Variants in SPEG observed in about 807,000 individuals in gnomAD.
SPEG encodes the protein striated muscle enriched protein kinase.
A neutral mutation model predicts 300.4 loss-of-function variants in SPEG; 114 were observed. That is an observed-to-expected ratio of 0.38 (90% confidence interval 0.33 to 0.44). The LOEUF is 0.44. Ranked by LOEUF, SPEG falls within the 20% of genes least tolerant of loss-of-function variation. The pLI is 1.00. For missense variants in SPEG, 4,201 were observed against 4,586.2 expected (o/e 0.92, Z 2.43); for synonymous variants, 1,964 against 2,018.9 (o/e 0.97, Z 0.73).
chr2:219,473,715 A>T lies in SPEG; in HGVS notation c.4272-13A>T. ...GCAAGATCTGGGTGACCTCCCTGTC[A>T]TGTGTCCCCTAGCTGCCGAGGGGCC... On this transcript the variant is annotated splice_polypyrimidine_tract_variant and intron_variant, in intron 17 of 40. Transcript: ENST00000312358. This position sits in a 1 kb window ranked among gnomAD's most constrained non-coding sequence, Gnocchi z 4.6. The T allele has an allele frequency of 6.2e-7, 1 of 1,612,784 alleles. No individual in the cohort carries two copies. Among genetic ancestry groups the T allele is most frequent in the Non-Finnish European group, 8.5e-7 (1 of 1,179,140 alleles).
At position 219,489,181 on chromosome 2, in the gene SPEG, C is replaced by T; in HGVS notation, c.8277C>T (p.Phe2759=). The stretch of plus-strand genomic sequence containing the variant: ...CCAACCGTGCTGGGCAGGGGCCCTT[C>T]AGCAACTCTTCTGAGAAGGTCTTTG... The part of the protein sequence containing the change: ...ACANRAGQGP[F]SNSSEKVFVR... Residue 2759 remains phenylalanine (F), a synonymous_variant, in exon 35 of 41, where the codon TTC becomes TTT. Transcript: ENST00000312358. 1.2e-6 allele frequency: 2 copies of T among 1,614,032 alleles called. No homozygotes were observed. Among genetic ancestry groups the T allele is most frequent in the Non-Finnish European group, 8.5e-7 (1 of 1,179,968 alleles).
In SPEG at chr2:219,490,565, C is replaced by G; in HGVS notation, c.9078C>G (p.His3026Gln). 1 of 1,613,986 alleles carries G rather than the reference C, an allele frequency of 6.2e-7. No homozygotes were observed. The highest frequency in any genetic ancestry group is 2.2e-5 in the East Asian group (1 of 44,886). ...ACCACGAGCGGATCATGTCCCTGCA[C>G]GAGGCCTACATCACCCCTCGGTACC... ...TLHHERIMSL[H>Q]EAYITPRYLV... Residue 3026 changes from histidine (H) to glutamine (Q), a missense_variant, in exon 37 of 41, where the codon CAC becomes CAG. This residue lies in a region of SPEG where 318 missense variants were observed against 429.5 expected (regional missense o/e 0.74). Transcript: ENST00000312358.
Position 219,467,190 on chromosome 2 carries a change from G to C in SPEG, c.2898G>C (p.Arg966=). The C allele has an allele frequency of 6.3e-7, 1 of 1,584,562 alleles. No individual in the cohort carries two copies. The highest frequency in any genetic ancestry group is 8.6e-7 in the Non-Finnish European group (1 of 1,166,634). ...RLEVRAHPES[R]SLAVLAPLQD... Reference sequence around the variant, plus strand: ...TCCCCTCAGCACACCCTGAAAGCCGGTCCCTGGCCGTGCTGGCCCCCCTGC... The same window carrying C: ...TCCCCTCAGCACACCCTGAAAGCCGCTCCCTGGCCGTGCTGGCCCCCCTGC... The change falls in exon 10 of 41, where the codon CGG becomes CGC. Residue 966 remains arginine, a synonymous_variant. Coordinates refer to ENST00000312358, the MANE Select transcript of SPEG (RefSeq NM_005876.5).
At chr2:219,466,671 AGCCCTG>A in intron 9 of SPEG, 1 of 1,000,320 alleles carries the variant, frequency 1.0e-6, no homozygotes, top group Non-Finnish European at 1.2e-6. Context: ...AGCCTGGCTG[AGCCCTG>A]GCCCTGGCAG....
In SPEG at chr2:219,479,191, G is replaced by A. The variant is rs769272045; in HGVS notation, c.5075G>A (p.Cys1692Tyr). ...LERIARKPTVCESEIRAYMRQ... is the reference protein window; with the variant it reads ...LERIARKPTVYESEIRAYMRQ... ...CGAATCGCCAGGAAACCCACCGTGT[G>A]TGAGTCTGAGGTGAGGGCAGTGGGT... The change falls in exon 23 of 41, where the codon TGT becomes TAT. Residue 1692 changes from cysteine to tyrosine, a missense_variant. By Grantham distance (194) the Cys-to-Tyr change is radical. Around this residue, in one of 4 missense-constraint regions of SPEG, gnomAD observed 1,047 missense variants for 1,356.8 expected, o/e 0.77. Coordinates refer to ENST00000312358, the MANE Select transcript of SPEG (RefSeq NM_005876.5). The surrounding 1 kb of genome is among the most constrained non-coding windows in gnomAD (Gnocchi z 5.5). 10 of 1,613,636 alleles carry A rather than the reference G, an allele frequency of 6.2e-6. No homozygotes were observed. The highest frequency in any genetic ancestry group is 1.1e-5 in the South Asian group (1 of 91,076).
At chr2:219,449,858 G>A (rs1689611043) in intron 4 of SPEG, among the ~76,000 whole-genome samples, 1 of 151,970 alleles carries the variant, frequency 6.6e-6, no homozygotes, top group Admixed American at 6.6e-5. Flanking sequence ...GCTCACTGTG[G>A]TCCCTACACA....
chr2:219,478,984 G>A (rs1692583255), intron 22 of SPEG, among the ~76,000 whole-genome samples, 160 bp from the exon 23 acceptor site: 1 of 152,166 alleles, frequency 6.6e-6, no homozygotes, highest in Non-Finnish European at 1.5e-5. Context: ...CAGGAGGTGG[G>A]GAGGGGGTAC....
In SPEG at chr2:219,479,705, C is replaced by T. The variant is rs909581690; in HGVS notation, c.5086-78C>T. 9.2e-5 allele frequency: 125 copies of T among 1,364,162 alleles called. No individual in the cohort carries two copies. The East Asian group carries it at 2.0e-3, about 22-fold the overall frequency. The allele number at this position is 1,364,162 out of a possible 1,614,324, so 84.5% of individuals were successfully genotyped here. A position where few individuals can be genotyped will look rare whatever the true frequency, so the allele number is the denominator to read the frequency against. On this transcript the variant is annotated intron_variant, in intron 23 of 40. Transcript: ENST00000312358. The surrounding 1 kb of genome is among the most constrained non-coding windows in gnomAD (Gnocchi z 5.5). Reference sequence around the variant, plus strand: ...CTGAAGGCTACTCCACAGGCACAGCCGGACCGCTTGCCGCCCTGGAGGTGT... The same window carrying T: ...CTGAAGGCTACTCCACAGGCACAGCTGGACCGCTTGCCGCCCTGGAGGTGT...
chr2:219,450,942 G>A, intron 4 of SPEG, 194 bp from the exon 5 acceptor site: 1 of 570,872 alleles, frequency 1.8e-6, no homozygotes, highest in African/African-American at 1.9e-5. Flanking sequence ...CCTGTTTCGA[G>A]AATGCTCCTT....
intron 18 of SPEG, among the ~76,000 whole-genome samples, chr2:219,474,885 T>C (rs1692206931): frequency 6.7e-6 from 1 of 148,936 alleles, no homozygotes; most frequent in South Asian, 2.1e-4. Flanking sequence ...CAGGTTCGAG[T>C]GATTCTTGTG....
In SPEG at chr2:219,492,703, T is replaced by C; in HGVS notation, c.9721T>C (p.Phe3241Leu). The change falls in exon 41 of 41, where the codon TTC becomes CTC. Residue 3241 changes from phenylalanine (F) to leucine (L), a missense_variant. Coordinates refer to ENST00000312358, the MANE Select transcript of SPEG (RefSeq NM_005876.5). Reference sequence around the variant, plus strand: ...CTTCACCACCAACCGGCTCAAGGAGTTCCTGGGCGAGCAGCGGCGGCGCCG... The same window carrying C: ...CTTCACCACCAACCGGCTCAAGGAGCTCCTGGGCGAGCAGCGGCGGCGCCG... ...LTFTTNRLKEFLGEQRRRRAE... is the reference protein window; with the variant it reads ...LTFTTNRLKELLGEQRRRRAE... The C allele has an allele frequency of 6.2e-7, 1 of 1,607,634 alleles. No homozygotes were observed. Among genetic ancestry groups the C allele is most frequent in the Non-Finnish European group, 8.5e-7 (1 of 1,179,772 alleles).
At position 219,472,218 on chromosome 2, in the gene SPEG, G is replaced by A. The variant is rs750100526; in HGVS notation, c.3836-9G>A. 5.6e-6 allele frequency: 9 copies of A among 1,613,132 alleles called. No homozygotes were observed. The highest frequency in any genetic ancestry group is 1.1e-5 in the South Asian group (1 of 91,066). On this transcript the variant is annotated splice_polypyrimidine_tract_variant and intron_variant, in intron 14 of 40. Coordinates refer to ENST00000312358, the MANE Select transcript of SPEG (RefSeq NM_005876.5). Reference sequence around the variant, plus strand: ...TGGACCCAGCAGACATTCGAACTGCGGCTTTCAGATGTGGTCCCAGGCCCT... The same window carrying A: ...TGGACCCAGCAGACATTCGAACTGCAGCTTTCAGATGTGGTCCCAGGCCCT...
At position 219,451,265 on chromosome 2, in the gene SPEG, A is replaced by AC; in HGVS notation, c.2249dup (p.Pro751AlafsTer23). 1.2e-6 allele frequency: 2 copies of AC among 1,609,176 alleles called. No homozygotes were observed. The highest frequency in any genetic ancestry group is 8.5e-7 in the Non-Finnish European group (1 of 1,177,984). ...CTGCTCAAGTGTATCATCACTGCCA[A>AC]CCCCCCGCCCCAAGGTGAGCTCCAG... is the stretch of plus-strand genomic sequence containing the variant. On this transcript the variant is annotated frameshift_variant, in exon 5 of 41. Coordinates refer to ENST00000312358, the MANE Select transcript of SPEG (RefSeq NM_005876.5). LOFTEE classifies it high-confidence loss of function. This position sits in a 1 kb window ranked among gnomAD's most constrained non-coding sequence, Gnocchi z 6.4.
rs1369966708 is a variant in SPEG, at chr2:219,471,933, G to A, written c.3781G>A (p.Val1261Ile). The A allele has an allele frequency of 2.5e-6, 4 of 1,613,954 alleles. No individual in the cohort carries two copies. The highest frequency in any genetic ancestry group is 1.7e-5 in the Admixed American group (1 of 60,020). ...TCAGCACGCCGGTGTCTACAAGAGC[G>A]TCATTGCCAACAAGCTGGGCAAAGC... Reference protein sequence around the residue: ...GPQHAGVYKSVIANKLGKAAC... With the variant: ...GPQHAGVYKSIIANKLGKAAC... The change falls in exon 14 of 41, where the codon GTC (valine) becomes ATC (isoleucine). Residue 1261 changes from valine (V) to isoleucine (I), a missense_variant. Transcript: ENST00000312358.
At chr2:219,453,031 T>C (rs1689889150) in intron 6 of SPEG, among the ~76,000 whole-genome samples, 1 of 152,178 alleles carries the variant, frequency 6.6e-6, no homozygotes, top group African/African-American at 2.4e-5. Flanking sequence ...CCTACCCCGC[T>C]GAATCATGCC....
intron 9 of SPEG, chr2:219,466,896 T>G: frequency 1.7e-6 from 2 of 1,197,208 alleles, no homozygotes; most frequent in Non-Finnish European, 2.1e-6. Flanking sequence ...CCCCCGCCGA[T>G]GTCTCTGCCA....
At chr2:219,471,419 G>C (rs1039550466) in intron 13 of SPEG, among the ~76,000 whole-genome samples, 44 of 152,160 alleles carry the variant, frequency 2.9e-4, no homozygotes, top group Admixed American at 2.0e-4. Context: ...CAGCTGTGCT[G>C]GAGACAGAAT....
At chr2:219,457,774 C>G (rs902086421) in intron 6 of SPEG, among the ~76,000 whole-genome samples, 1 of 152,222 alleles carries the variant, frequency 6.6e-6, no homozygotes, top group Non-Finnish European at 1.5e-5. Context: ...CTCCTTACTT[C>G]TTTACCCAGT....
intron 40 of SPEG, 89 bp from the exon 41 acceptor site, chr2:219,492,505 G>A (rs1694065047): frequency 2.1e-6 from 3 of 1,409,732 alleles, no homozygotes; most frequent in South Asian, 2.4e-5. Flanking sequence ...GTGGGATCCA[G>A]GACTGGGACA....
Sources: gnomAD v4.1 joint callset for allele counts (sites outside exome capture counted in the v4.1 genomes callset) on GRCh38, gnomAD v4.1.1 for gene constraint, gnomAD v4.1.1 regional missense constraint, Gnocchi (gnomAD v3.1) non-coding constraint, MANE v1.5 for transcripts, NCBI Gene and HGNC (gene_info 2026-07-23, HGNC 2026-07-21) for gene names.